LOXL2: variants seen among roughly 807,000 people sequenced by gnomAD.
The protein encoded by LOXL2 is lysyl oxidase like 2, also known as lysyl oxidase homolog 2.
Under a neutral mutation model 93.0 loss-of-function variants are expected in LOXL2, and 70 were observed. The observed-to-expected ratio is 0.75, with a 90% CI of 0.62 to 0.92. The LOEUF (loss-of-function observed/expected upper bound fraction) is 0.92. Ranked by LOEUF, LOXL2 falls within the 40% of genes least tolerant of loss-of-function variation. The pLI is 0.00. For missense variants in LOXL2, 973 were observed against 1,054.9 expected, an observed-to-expected ratio of 0.92 and a Z score of 1.08; for synonymous variants, 438 against 413.2, an observed-to-expected ratio of 1.06 and a Z score of -0.73.
intron 1 of LOXL2, among the ~76,000 whole-genome samples, chr8:23,387,905 C>A (rs371681810): frequency 1.3e-5 from 2 of 152,248 alleles, no homozygotes; most frequent in African/African-American, 4.8e-5. Context: ...GCCGAGATCA[C>A]GCCATTGCAC....
intron 1 of LOXL2, among the ~76,000 whole-genome samples, chr8:23,381,885 G>A (rs1286476903): frequency 6.6e-6 from 1 of 152,196 alleles, no homozygotes; most frequent in Admixed American, 6.5e-5. Flanking sequence ...GCACCTGACT[G>A]GGCCCCCAAG....
intron 4 of LOXL2, among the ~76,000 whole-genome samples, chr8:23,335,889 T>C (rs1803781630): frequency 6.6e-6 from 1 of 152,200 alleles, no homozygotes; most frequent in Non-Finnish European, 1.5e-5. Context: ...GTTACAATTC[T>C]AGTGTGCTTG....
intron 12 of LOXL2, among the ~76,000 whole-genome samples, chr8:23,301,727 A>G (rs1345272081): frequency 3.3e-5 from 5 of 152,180 alleles, no homozygotes; most frequent in Admixed American, 3.3e-4. Flanking sequence ...TATGGAATAA[A>G]CTGGCCGGAG....
chr8:23,377,011 A>C (rs1804605927), intron 1 of LOXL2, among the ~76,000 whole-genome samples: 1 of 151,974 alleles, frequency 6.6e-6, no homozygotes, highest in Admixed American at 6.6e-5. Flanking sequence ...TTGCTTCTCT[A>C]GTTCTTTTAA....
chr8:23,340,656 C>CT (rs1172270767), intron 4 of LOXL2, among the ~76,000 whole-genome samples: 2 of 152,198 alleles, frequency 1.3e-5, no homozygotes, highest in African/African-American at 4.8e-5. Flanking sequence ...CTAGCTCGTG[C>CT]AGTCCCTGAG....
chr8:23,365,866 A>C (rs916569681), intron 2 of LOXL2: 6 of 152,204 alleles, frequency 3.9e-5, no homozygotes, highest in Admixed American at 1.3e-4. Flanking sequence ...CAATCCTTCA[A>C]CTTCTCCACT....
In LOXL2 at chr8:23,355,484, C is replaced by T. The variant is rs115583208; in HGVS notation, c.531+4606G>A. Among the ~76,000 whole-genome samples, 745 of 115,334 alleles carry T rather than the reference C, an allele frequency of 6.5e-3. 8 individuals are homozygous for T. The highest frequency in any genetic ancestry group is 0.024 in the African/African-American group (714 of 30,008). The allele number at this position is 115,334 out of a possible 152,430, so 75.7% of individuals were successfully genotyped here. On this transcript the variant is annotated intron_variant, in intron 3 of 13. Transcript: ENST00000389131. Reference sequence around the variant, plus strand: ...AGGCAAGGAGCTTAAGGAAATAATTCTTCTATCTGTAAAGCAGTTGACATT... The same window carrying T: ...AGGCAAGGAGCTTAAGGAAATAATTTTTCTATCTGTAAAGCAGTTGACATT...
chr8:23,344,181 G>A lies in LOXL2; in HGVS notation c.532-2978C>T, dbSNP rs550648647. ...CCAAACGCCAAGGGAGCTTGCTCTC[G>A]TTCCTGCGATGATGCGGGACAGTTT... is the stretch of plus-strand genomic sequence containing the variant. On this transcript the variant is annotated intron_variant, in intron 3 of 13. Coordinates refer to ENST00000389131, the MANE Select transcript of LOXL2 (RefSeq NM_002318.3). 8.5e-4 allele frequency among the ~76,000 whole-genome samples: 130 copies of A among 152,350 alleles called. 1 individual carries two copies. The highest frequency in any genetic ancestry group is 2.9e-3 in the African/African-American group (119 of 41,586).
intron 4 of LOXL2, chr8:23,336,227 C>T (rs946085237): frequency 2.0e-5 from 3 of 152,530 alleles, no homozygotes; most frequent in Middle Eastern, 3.4e-3. Context: ...AACAGATGTC[C>T]TGCGTTCTAA....
rs1803734923 is a variant in LOXL2, at chr8:23,333,300, G to C, written c.966+101C>G. 2.2e-5 allele frequency: 25 copies of C among 1,130,190 alleles called. 1 individual carries two copies. In the South Asian group the frequency reaches 3.3e-4, roughly 15 times the overall value. The allele number at this position is 1,130,190 out of a possible 1,614,324, so 70.0% of individuals were successfully genotyped here. On this transcript the variant is annotated intron_variant, in intron 5 of 13. Coordinates refer to ENST00000389131, the MANE Select transcript of LOXL2 (RefSeq NM_002318.3). ...CAGCCACAATGGTGATCTCCGCTGA[G>C]GCCACCCTTCCTCACTCTCCTGGGG...
chr8:23,355,592 C>T (rs1442520712), intron 3 of LOXL2, among the ~76,000 whole-genome samples: 5 of 145,326 alleles, frequency 3.4e-5, no homozygotes, highest in African/African-American at 7.7e-5. Context: ...CAACCACTGC[C>T]GCTTCAAAGA....
intron 11 of LOXL2, among the ~76,000 whole-genome samples, chr8:23,302,756 G>A (rs1803161729): frequency 6.6e-6 from 1 of 152,196 alleles, no homozygotes; most frequent in African/African-American, 2.4e-5. Context: ...TCCCCATGAA[G>A]AGCCCCCAGG....
rs374073307 is a variant in LOXL2, at chr8:23,303,415, T to C, written c.1881-18A>G. ...GGTAGTGCCTGGAGCGAGAGAGAGATGGCCTGGAGGTCAGTTTCTGGAGCA... is the reference window on the plus strand; with the variant it reads ...GGTAGTGCCTGGAGCGAGAGAGAGACGGCCTGGAGGTCAGTTTCTGGAGCA... On this transcript the variant is annotated intron_variant, in intron 10 of 13. Coordinates refer to ENST00000389131, the MANE Select transcript of LOXL2 (RefSeq NM_002318.3). 1.4e-6 allele frequency: 2 copies of C among 1,453,310 alleles called. No individual in the cohort carries two copies. The highest frequency in any genetic ancestry group is 4.5e-5 in the East Asian group (2 of 44,126). The allele number at this position is 1,453,310 out of a possible 1,614,324, so 90.0% of individuals were successfully genotyped here. A position where few individuals can be genotyped will look rare whatever the true frequency, so the allele number is the denominator to read the frequency against.
Position 23,317,099 on chromosome 8 carries a change from G to A in LOXL2, c.1486C>T (p.His496Tyr), listed in dbSNP as rs1446905567. The change falls in exon 9 of 14, where the codon CAC (histidine) becomes TAC (tyrosine). Residue 496 changes from histidine (H) to tyrosine (Y), a missense_variant. His to Tyr is a moderately conservative substitution (Grantham distance 83, BLOSUM62 2). Transcript: ENST00000389131. ...SNAFQETWYW[H>Y]GDVNSNKVVM... is the part of the protein sequence containing the mutation. ...ACTTTGTTGCTGTTGACATCTCCGT[G>A]CCAATACCAGGTCTCCTGGAAGAAC... 2 of 1,614,126 alleles carry A rather than the reference G, an allele frequency of 1.2e-6. No homozygotes were observed. Among genetic ancestry groups the A allele is most frequent in the Non-Finnish European group, 1.7e-6 (2 of 1,180,008 alleles).
intron 1 of LOXL2, among the ~76,000 whole-genome samples, chr8:23,398,247 T>A (rs1800118855): frequency 6.6e-6 from 1 of 152,176 alleles, no homozygotes; most frequent in South Asian, 2.1e-4. Context: ...AAGTGTATGT[T>A]TTATAGGCAA....
chr8:23,377,789 T>C (rs992665643), intron 1 of LOXL2, among the ~76,000 whole-genome samples: 2 of 152,188 alleles, frequency 1.3e-5, no homozygotes, highest in African/African-American at 4.8e-5. Flanking sequence ...TTCCATTTGC[T>C]TGGTAGATTT....
rs1803464822 is a variant in LOXL2, at chr8:23,319,813, G to T, written c.1470+72C>A. On this transcript the variant is annotated intron_variant, in intron 8 of 13. Coordinates refer to ENST00000389131, the MANE Select transcript of LOXL2 (RefSeq NM_002318.3). The stretch of plus-strand genomic sequence containing the variant: ...GGCTAGGGAGGGTACGTGGGAGAGG[G>T]GGGCTGACTGAAGACAGTGTGGTCA... 4 of 1,503,078 alleles carry T rather than the reference G, an allele frequency of 2.7e-6. No homozygotes were observed. In the East Asian group the frequency reaches 9.1e-5, roughly 34 times the overall value. 93.1% of individuals were successfully genotyped at this position (1,503,078 alleles called of 1,614,324 possible). A position where few individuals can be genotyped will look rare whatever the true frequency, so the allele number is the denominator to read the frequency against.
At chr8:23,311,713 T>C (rs1352449549) in intron 9 of LOXL2, among the ~76,000 whole-genome samples, 3 of 152,174 alleles carry the variant, frequency 2.0e-5, no homozygotes, top group Admixed American at 2.0e-4. Context: ...ATTACGATGC[T>C]CTGTGCTAGG....
intron 6 of LOXL2, among the ~76,000 whole-genome samples, chr8:23,327,979 C>CT (rs1803608513): frequency 6.6e-6 from 1 of 152,114 alleles, no homozygotes; most frequent in Non-Finnish European, 1.5e-5. Context: ...GCATTTGGTC[C>CT]TTTTGTTGTA....
Sources: gnomAD v4.1 joint callset for allele counts (sites outside exome capture counted in the v4.1 genomes callset) on GRCh38, gnomAD v4.1.1 for gene constraint, MANE v1.5 for transcripts, NCBI Gene and HGNC (gene_info 2026-07-23, HGNC 2026-07-21) for gene names.